LUC7L: variants seen among roughly 807,000 people sequenced by gnomAD.
The protein encoded by LUC7L is LUC7 like, also known as putative RNA-binding protein Luc7-like 1.
A neutral mutation model predicts 51.1 loss-of-function variants in LUC7L; 29 were observed. The ratio of observed to expected loss-of-function variants is 0.57; its 90% CI spans 0.42 to 0.77. LUC7L has a LOEUF of 0.77. Among genes scored for constraint, LUC7L ranks in the 30% least tolerant of loss-of-function variants. The pLI is 0.00. For missense variants in LUC7L, 403 were observed against 511.9 expected (o/e 0.79, Z 2.05); for synonymous variants, 181 against 180.7 (o/e 1.00, Z -0.01).
intron 3 of LUC7L, chr16:220,081 T>C (rs1321307052): frequency 2.0e-5 from 3 of 152,342 alleles, no homozygotes; most frequent in Non-Finnish European, 4.4e-5. Context: ...CAAAATTGTC[T>C]TGCGAGGATA....
In LUC7L at chr16:205,386, G is replaced by A. The variant is rs372125612; in HGVS notation, c.510+618C>T. 4.6e-4 allele frequency among the ~76,000 whole-genome samples: 70 copies of A among 152,232 alleles called. 1 individual carries two copies. In the South Asian group the frequency reaches 0.014, roughly 32 times the overall value. On this transcript the variant is annotated intron_variant, in intron 5 of 9. Coordinates refer to ENST00000293872, the MANE Select transcript of LUC7L (RefSeq NM_201412.3). ...GTATATTTTATGGCAGTAAATAAAAGACTAGTATCCTCATATATTTTATGT... is the reference window on the plus strand; with the variant it reads ...GTATATTTTATGGCAGTAAATAAAAAACTAGTATCCTCATATATTTTATGT...
chr16:197,542 T>C (rs1489837885), intron 6 of LUC7L, among the ~76,000 whole-genome samples: 4 of 152,184 alleles, frequency 2.6e-5, no homozygotes, highest in African/African-American at 4.8e-5. Flanking sequence ...TATAAACTTA[T>C]AAAGAAAAAT....
chr16:194,138 C>T (rs1270103855), intron 6 of LUC7L, among the ~76,000 whole-genome samples: 1 of 151,404 alleles, frequency 6.6e-6, no homozygotes, highest in Non-Finnish European at 1.5e-5. Flanking sequence ...TTGCTCTGTC[C>T]ACCCAGGCTG....
intron 5 of LUC7L, among the ~76,000 whole-genome samples, chr16:204,353 T>C (rs2049418812): frequency 6.6e-6 from 1 of 151,768 alleles, no homozygotes; most frequent in Admixed American, 6.6e-5. Flanking sequence ...TCCCAGCAGT[T>C]TGGGAGACCG....
Position 206,112 on chromosome 16 carries a change from T to C in LUC7L, c.402A>G (p.Gly134=), listed in dbSNP as rs190319137. The change falls in exon 5 of 10, where the codon GGA becomes GGG. Residue 134 remains glycine (G), a synonymous_variant. Transcript: ENST00000293872. ...GCTGTTCGGCTTTAGCAAGGAGTTTTCCTATTTCTTCATTTAACTCATGTA... is the reference window on the plus strand; with the variant it reads ...GCTGTTCGGCTTTAGCAAGGAGTTTCCCTATTTCTTCATTTAACTCATGTA... ...EKVHELNEEI[G]KLLAKAEQLG... The C allele has an allele frequency of 6.2e-7, 1 of 1,613,858 alleles. No individual in the cohort carries two copies. The highest frequency in any genetic ancestry group is 1.7e-5 in the Admixed American group (1 of 59,908).
intron 2 of LUC7L, among the ~76,000 whole-genome samples, chr16:223,304 G>C (rs987888115): frequency 2.0e-5 from 3 of 151,912 alleles, no homozygotes; most frequent in Admixed American, 2.0e-4. Flanking sequence ...AGTCAAGATC[G>C]CACCACTGCA....
chr16:216,869 A>AT (rs978160539), intron 3 of LUC7L, among the ~76,000 whole-genome samples: 1 of 151,112 alleles, frequency 6.6e-6, no homozygotes, highest in Non-Finnish European at 1.5e-5. Flanking sequence ...TAACTCTGGC[A>AT]TTTTTTTGTA....
chr16:226,174 A>T (rs1261179140), intron 2 of LUC7L, among the ~76,000 whole-genome samples: 1 of 152,224 alleles, frequency 6.6e-6, no homozygotes, highest in Non-Finnish European at 1.5e-5. Flanking sequence ...ATTTGCTGTC[A>T]GAAAACTCAG....
intron 5 of LUC7L, among the ~76,000 whole-genome samples, chr16:205,273 C>A (rs2049450054): frequency 6.6e-6 from 1 of 152,156 alleles, no homozygotes; most frequent in Non-Finnish European, 1.5e-5. Context: ...TCTCAGCCTC[C>A]CGAACAGCTG....
intron 7 of LUC7L, among the ~76,000 whole-genome samples, chr16:192,103 G>A (rs1293373985): frequency 3.9e-5 from 6 of 151,910 alleles, no homozygotes; most frequent in Non-Finnish European, 8.8e-5. Flanking sequence ...ACCTCACCAA[G>A]CAGCAACTCC....
intron 6 of LUC7L, among the ~76,000 whole-genome samples, chr16:193,815 T>G (rs542557613): frequency 6.6e-6 from 1 of 151,074 alleles, no homozygotes; most frequent in African/African-American, 2.4e-5. Flanking sequence ...ACTTTTTTTT[T>G]TTTTTTGAGA....
Position 229,096 on chromosome 16 carries a change from G to A in LUC7L, c.61+183C>T, listed in dbSNP as rs1028669231. Reference sequence around the variant, plus strand: ...AGAGAGGAGCCCGACCTGGACCCACGGCCGCCTCAGAGACGCACCGGCTTA... The same window carrying A: ...AGAGAGGAGCCCGACCTGGACCCACAGCCGCCTCAGAGACGCACCGGCTTA... On this transcript the variant is annotated intron_variant, in intron 1 of 9. Transcript: ENST00000293872. 15 of 1,409,480 alleles carry A rather than the reference G, an allele frequency of 1.1e-5. No homozygotes were observed. The African/African-American group carries it at 1.6e-4, about 15-fold the overall frequency. 87.3% of individuals were successfully genotyped at this position (1,409,480 alleles called of 1,614,324 possible).
At chr16:212,181 T>C (rs1054911143) in intron 3 of LUC7L, among the ~76,000 whole-genome samples, 3 of 152,090 alleles carry the variant, frequency 2.0e-5, no homozygotes, top group African/African-American at 2.4e-5. Flanking sequence ...TAATCCCAAC[T>C]ACTCAGGAGG....
intron 8 of LUC7L, 48 bp from the exon 9 acceptor site, chr16:190,183 C>T: frequency 1.3e-6 from 2 of 1,511,306 alleles, no homozygotes; most frequent in Non-Finnish European, 1.8e-6. Context: ...GGTGCCAACA[C>T]TATGAGGGCC....
chr16:209,298 T>A (rs1032108340), intron 3 of LUC7L: 2 of 152,086 alleles, frequency 1.3e-5, no homozygotes, highest in Non-Finnish European at 2.9e-5. Flanking sequence ...AAGACCAGCC[T>A]TCCCAATACA....
chr16:221,547 C>T (rs2049970134), intron 2 of LUC7L, among the ~76,000 whole-genome samples: 1 of 151,862 alleles, frequency 6.6e-6, no homozygotes, highest in Non-Finnish European at 1.5e-5. Flanking sequence ...ACTAAAACTA[C>T]AAAAATTAGC....
Position 189,085 on chromosome 16 carries a change from A to G in LUC7L, c.*113T>C. 8.0e-7 allele frequency: 1 copy of G among 1,248,984 alleles called. No individual in the cohort carries two copies. The highest frequency in any genetic ancestry group is 1.4e-5 in the South Asian group (1 of 70,234). 77.4% of individuals were successfully genotyped at this position (1,248,984 alleles called of 1,614,324 possible). On this transcript the variant is annotated 3_prime_UTR_variant, in exon 10 of 10. Coordinates refer to ENST00000293872, the MANE Select transcript of LUC7L (RefSeq NM_201412.3). ...CTTCTAGAAACTCACAGCTAGCTCCAAAACAATAGAAATTTTAAACTACAA... is the reference window on the plus strand; with the variant it reads ...CTTCTAGAAACTCACAGCTAGCTCCGAAACAATAGAAATTTTAAACTACAA...
chr16:222,461 G>A (rs1003491169), intron 2 of LUC7L, among the ~76,000 whole-genome samples: 5 of 151,844 alleles, frequency 3.3e-5, no homozygotes, highest in African/African-American at 1.2e-4. Context: ...AACATAGCAA[G>A]ACCCTGTCTC....
intron 5 of LUC7L, among the ~76,000 whole-genome samples, chr16:199,828 A>T (rs1864882857): frequency 6.6e-6 from 1 of 151,548 alleles, no homozygotes; most frequent in Non-Finnish European, 1.5e-5. Flanking sequence ...CGTCTCTACT[A>T]AAAATACAAA....
Sources: gnomAD v4.1 joint callset for allele counts (sites outside exome capture counted in the v4.1 genomes callset) on GRCh38, gnomAD v4.1.1 for gene constraint, MANE v1.5 for transcripts, NCBI Gene and HGNC (gene_info 2026-07-23, HGNC 2026-07-21) for gene names.